OGDH: variants seen among roughly 807,000 people sequenced by gnomAD.
The protein encoded by OGDH is 2-oxoglutarate dehydrogenase complex component E1.
In OGDH, 38 loss-of-function variants were observed where a neutral mutation model predicts 116.6. The observed-to-expected ratio is 0.33, with a 90% confidence interval of 0.25 to 0.43. OGDH has a LOEUF of 0.43. OGDH is among the 20% of genes least tolerant of loss of function. OGDH has a pLI of 1.00. For missense variants in OGDH, 825 were observed against 1,357.2 expected (o/e 0.61, Z 6.16); for synonymous variants, 488 against 533.3 (o/e 0.92, Z 1.17).
intron 2 of OGDH, among the ~76,000 whole-genome samples, chr7:44,642,521 G>GT (rs1422228219): frequency 1.3e-5 from 2 of 152,220 alleles, no homozygotes; most frequent in Admixed American, 6.5e-5. Context: ...AATAGGTTTT[G>GT]TGGGAGGTGC....
rs201946144 is a variant in OGDH, at chr7:44,616,808, C to CATATATATACACAT, written c.-27-7502_-27-7501insTACACATATATATA. Among the ~76,000 whole-genome samples the CATATATATACACAT allele has an allele frequency of 9.6e-5, 13 of 136,080 alleles. No individual in the cohort carries two copies. In the East Asian group the frequency reaches 1.3e-3, roughly 14 times the overall value. 89.3% of individuals were successfully genotyped at this position (136,080 alleles called of 152,430 possible). ...GCATATATATATGTGTATATATATG[C>CATATATATACACAT]ATATATACGTATATATGTGTATATA... On this transcript the variant is annotated intron_variant, in intron 1 of 22. Transcript: ENST00000222673.
chr7:44,697,242 C>A lies in OGDH; in HGVS notation c.2052-128C>A. 6.8e-7 allele frequency: 1 copy of A among 1,479,742 alleles called. No individual in the cohort carries two copies. The highest frequency in any genetic ancestry group is 9.2e-7 in the Non-Finnish European group (1 of 1,084,576). The allele number at this position is 1,479,742 out of a possible 1,614,324, so 91.7% of individuals were successfully genotyped here. ...TCTGTTAAGACCTGGGTGGGGCCGACCCTGCAGCTGCCTGGCCAGAAGTCC... is the reference window on the plus strand; with the variant it reads ...TCTGTTAAGACCTGGGTGGGGCCGAACCTGCAGCTGCCTGGCCAGAAGTCC... On this transcript the variant is annotated intron_variant, in intron 15 of 22. Transcript: ENST00000222673. This position sits in a 1 kb window ranked among gnomAD's most constrained non-coding sequence, Gnocchi z 6.0.
At chr7:44,706,099 G>A (rs111865985) in intron 20 of OGDH, among the ~76,000 whole-genome samples, 7 of 151,578 alleles carry the variant, frequency 4.6e-5, no homozygotes, top group Admixed American at 2.0e-4. Context: ...GTGCACCACC[G>A]TGCCTGGCTA....
intron 1 of OGDH, among the ~76,000 whole-genome samples, chr7:44,608,121 G>T (rs1196250087): frequency 6.6e-6 from 1 of 151,982 alleles, no homozygotes; most frequent in African/African-American, 2.4e-5. Flanking sequence ...GCACAATTTC[G>T]GCCAGTCGTG....
Position 44,624,426 on chromosome 7 carries a change from C to G in OGDH, c.83C>G (p.Pro28Arg). ...QTVKTFSQNR[P>R]AAARTFQQIR... ...GTTAAGACATTTTCACAAAACAGAC[C>G]AGCAGCAGCTAGGACATTTCAACAG... is the stretch of plus-strand genomic sequence containing the variant. Residue 28 changes from proline (P) to arginine (R), a missense_variant, in exon 2 of 23, where the codon CCA (proline) becomes CGA (arginine). Physicochemically the swap from Pro to Arg is moderately radical, Grantham distance 103 (BLOSUM62 -2). Coordinates refer to ENST00000222673, the MANE Select transcript of OGDH (RefSeq NM_002541.4). 1 of 1,613,090 alleles carries G rather than the reference C, an allele frequency of 6.2e-7. No individual in the cohort carries two copies. The highest frequency in any genetic ancestry group is 8.5e-7 in the Non-Finnish European group (1 of 1,179,846).
chr7:44,666,471 A>C (rs1056795928), intron 4 of OGDH: 4 of 226,982 alleles, frequency 1.8e-5, no homozygotes, highest in Admixed American at 5.7e-5. Context: ...TAATTGGTGT[A>C]CTTAACTAAC....
intron 4 of OGDH, among the ~76,000 whole-genome samples, chr7:44,654,985 T>G (rs942877735): frequency 1.3e-5 from 2 of 152,246 alleles, no homozygotes; most frequent in African/African-American, 4.8e-5. Context: ...TATTGTTCTC[T>G]TAACTCTCCT....
intron 1 of OGDH, among the ~76,000 whole-genome samples, chr7:44,619,380 G>A (rs1163864878): frequency 2.0e-5 from 3 of 152,190 alleles, no homozygotes; most frequent in Non-Finnish European, 4.4e-5. Context: ...GCTGTCTCCA[G>A]GTAGGTAGCA....
intron 5 of OGDH, among the ~76,000 whole-genome samples, chr7:44,670,892 T>G (rs1206289935): frequency 6.7e-6 from 1 of 149,874 alleles, no homozygotes; most frequent in Non-Finnish European, 1.5e-5. Context: ...GCACCTGTAG[T>G]CCCAACTACT....
chr7:44,618,459 G>C (rs925753796), intron 1 of OGDH, among the ~76,000 whole-genome samples: 9 of 152,030 alleles, frequency 5.9e-5, no homozygotes, highest in African/African-American at 1.7e-4. Flanking sequence ...CTTTCTCTCT[G>C]TATAGATTTG....
At chr7:44,608,037 A>G (rs574224256) in intron 1 of OGDH, among the ~76,000 whole-genome samples, 1 of 151,998 alleles carries the variant, frequency 6.6e-6, no homozygotes, top group African/African-American at 2.4e-5. Context: ...TTCACATTTC[A>G]GTTACTTTTT....
Position 44,666,615 on chromosome 7 carries a change from A to AT in OGDH, c.518-114dup, listed in dbSNP as rs948395070. The stretch of plus-strand genomic sequence containing the variant: ...ACATATATCAGGGGCTTTTTATATG[A>AT]TTTTTTTCTTCTCTTTTTGCTCACC... On this transcript the variant is annotated intron_variant, in intron 4 of 22. Transcript: ENST00000222673. 9.1e-6 allele frequency: 4 copies of AT among 439,252 alleles called. No homozygotes were observed. The East Asian group carries it at 1.0e-4, about 11-fold the overall frequency. The allele number at this position is 439,252 out of a possible 1,614,324, so 27.2% of individuals were successfully genotyped here.
At chr7:44,646,199 C>A (rs905384889) in intron 3 of OGDH, among the ~76,000 whole-genome samples, 5 of 152,172 alleles carry the variant, frequency 3.3e-5, no homozygotes, top group African/African-American at 1.2e-4. Flanking sequence ...TGTGATAGTT[C>A]TAAGGACGAC....
chr7:44,666,718 G>T lies in OGDH; in HGVS notation c.518-18G>T, dbSNP rs1787199786. 2 of 1,537,896 alleles carry T rather than the reference G, an allele frequency of 1.3e-6. No homozygotes were observed. Among genetic ancestry groups the T allele is most frequent in the Non-Finnish European group, 1.8e-6 (2 of 1,120,300 alleles). On this transcript the variant is annotated intron_variant, in intron 4 of 22. Transcript: ENST00000222673. ...CATCCCTCCTCATCTGGCTTGTCCT[G>T]CCCACATCGCCCTGCAGGGTTCTAT...
chr7:44,619,267 C>T (rs980803346), intron 1 of OGDH, among the ~76,000 whole-genome samples: 3 of 152,134 alleles, frequency 2.0e-5, no homozygotes, highest in Admixed American at 6.5e-5. Flanking sequence ...CAGTTTCTAG[C>T]TGGTTGGCCA....
chr7:44,632,749 G>A (rs981764805), intron 2 of OGDH, among the ~76,000 whole-genome samples: 1 of 152,010 alleles, frequency 6.6e-6, no homozygotes, highest in Non-Finnish European at 1.5e-5. Flanking sequence ...CTCCCAAGTA[G>A]CTGGGACCAT....
intron 1 of OGDH, among the ~76,000 whole-genome samples, chr7:44,614,743 C>G (rs1183674084): frequency 6.6e-6 from 1 of 151,098 alleles, no homozygotes; most frequent in East Asian, 1.9e-4. Context: ...CTTTTAGAAT[C>G]TTTGTCAGAT....
chr7:44,673,776 G>T lies in OGDH; in HGVS notation c.634-11G>T, dbSNP rs755162219. 21 of 1,614,164 alleles carry T rather than the reference G, an allele frequency of 1.3e-5. No individual in the cohort carries two copies. Among genetic ancestry groups the T allele is most frequent in the South Asian group, 3.3e-5 (3 of 91,086 alleles). On this transcript the variant is annotated splice_polypyrimidine_tract_variant and intron_variant, in intron 5 of 22. Transcript: ENST00000222673. Reference sequence around the variant, plus strand: ...GAAATCCCCTTGACTGTGTGTTTCTGTATGGAATAGATGGCCTACTGCCAG... The same window carrying T: ...GAAATCCCCTTGACTGTGTGTTTCTTTATGGAATAGATGGCCTACTGCCAG...
chr7:44,636,575 T>A (rs1282820966), intron 2 of OGDH, among the ~76,000 whole-genome samples: 1 of 151,544 alleles, frequency 6.6e-6, no homozygotes. Flanking sequence ...TGAATTTAAT[T>A]CAGTAAAGGT....
Sources: gnomAD v4.1 joint callset for allele counts (sites outside exome capture counted in the v4.1 genomes callset) on GRCh38, gnomAD v4.1.1 for gene constraint, Gnocchi (gnomAD v3.1) non-coding constraint, MANE v1.5 for transcripts, NCBI Gene and HGNC (gene_info 2026-07-23, HGNC 2026-07-21) for gene names.